NDUFAF6: variants seen among roughly 807,000 people sequenced by gnomAD.
The protein encoded by NDUFAF6 is NADH:ubiquinone oxidoreductase complex assembly factor 6, also known as NADH dehydrogenase (ubiquinone) complex I, assembly factor 6.
In NDUFAF6, 45 loss-of-function variants were observed where a neutral mutation model predicts 40.8. That is an observed-to-expected ratio of 1.10 (90% confidence interval 0.87 to 1.42). The LOEUF (loss-of-function observed/expected upper bound fraction) is 1.42, where lower values mean the gene tolerates loss of function less well. NDUFAF6 is among the 40% of genes most tolerant of loss of function. The pLI is 0.00. For missense variants in NDUFAF6, 435 were observed against 418.5 expected (o/e 1.04, Z -0.34); for synonymous variants, 185 against 155.9 (o/e 1.19, Z -1.39).
chr8:95,059,477 G>A (rs76993088), downstream of NDUFAF6, among the ~76,000 whole-genome samples: 2 of 152,142 alleles, frequency 1.3e-5, no homozygotes, highest in African/African-American at 4.8e-5. Flanking sequence ...CTCTTAGTTG[G>A]TACTGATGTT....
intron 2 of NDUFAF6, among the ~76,000 whole-genome samples, chr8:95,003,433 C>A (rs1207545542): frequency 1.3e-5 from 2 of 152,182 alleles, no homozygotes; most frequent in African/African-American, 2.4e-5. Context: ...GTGGTCCAAT[C>A]TGGCTCAGTA....
chr8:95,037,446 A>ACC (rs1253525165), intron 3 of NDUFAF6, among the ~76,000 whole-genome samples: 2 of 152,188 alleles, frequency 1.3e-5, no homozygotes, highest in African/African-American at 2.4e-5. Flanking sequence ...ACAAAATCAA[A>ACC]CATGCCCATC....
chr8:95,009,368 C>CT (rs1827137770), intron 2 of NDUFAF6, among the ~76,000 whole-genome samples: 2 of 1,836 alleles, frequency 1.1e-3, no homozygotes, highest in Non-Finnish European at 4.1e-3. Flanking sequence ...TTTGAAAATA[C>CT]CGTTTCAACT....
In NDUFAF6 at chr8:95,091,744, A is replaced by AT. The variant is rs1383401512; in HGVS notation, n.214-9387dup. Among the ~76,000 whole-genome samples, 3 of 149,908 alleles carry AT rather than the reference A, an allele frequency of 2.0e-5. No individual in the cohort carries two copies. The East Asian group carries it at 5.9e-4, about 29-fold the overall frequency. Reference sequence around the variant, plus strand: ...AGCCTTGACCTCTTGGGTTCAAGCGATCCCCCCCAGCTCAGCCTCCTGAGT... The same window carrying AT: ...AGCCTTGACCTCTTGGGTTCAAGCGATTCCCCCCCAGCTCAGCCTCCTGAGT... On this transcript the variant is annotated intron_variant and non_coding_transcript_variant, in intron 2 of 5. Coordinates refer to the NDUFAF6 transcript ENST00000523184.
intron 2 of NDUFAF6, among the ~76,000 whole-genome samples, chr8:95,089,453 A>C: frequency 1.1e-5 from 1 of 92,240 alleles, no homozygotes; most frequent in South Asian, 4.7e-4. Context: ...TACATAGTGT[A>C]AACTGTGTGT....
chr8:95,038,027 G>T (rs1344588927), intron 3 of NDUFAF6, among the ~76,000 whole-genome samples: 1 of 152,074 alleles, frequency 6.6e-6, no homozygotes, highest in East Asian at 1.9e-4. Flanking sequence ...GGGACCACAG[G>T]CATGCGCCAC....
chr8:95,034,180 G>A (rs932748877), intron 2 of NDUFAF6: 17 of 428,234 alleles, frequency 4.0e-5, no homozygotes, highest in South Asian at 1.3e-4. Context: ...TCCCATTTGC[G>A]TTATTCTGTC....
intron 1 of NDUFAF6, among the ~76,000 whole-genome samples, chr8:94,935,078 A>G (rs1297799777): frequency 1.3e-5 from 2 of 152,100 alleles, no homozygotes; most frequent in Non-Finnish European, 2.9e-5. Flanking sequence ...TTATATCTGG[A>G]AAACAGGAAA....
At chr8:95,045,750 T>G (rs1830672249) in intron 5 of NDUFAF6, 103 bp downstream of exon 5, 1 of 817,014 alleles carries the variant, frequency 1.2e-6, no homozygotes, top group Admixed American at 2.3e-5. Context: ...ACTAAAGCCT[T>G]CCTTTATACT....
At chr8:95,084,423 C>T (rs1175869836) in intron 2 of NDUFAF6, among the ~76,000 whole-genome samples, 1 of 152,138 alleles carries the variant, frequency 6.6e-6, no homozygotes, top group East Asian at 1.9e-4. Context: ...ATCTTCCCAA[C>T]TGCCTCATCA....
At chr8:94,904,928 G>A (rs1338779334) in intron 1 of NDUFAF6, among the ~76,000 whole-genome samples, 4 of 152,090 alleles carry the variant, frequency 2.6e-5, no homozygotes, top group South Asian at 2.1e-4. Context: ...GGCCAGGCGC[G>A]GTGGCTCATG....
At chr8:95,024,920 A>G (rs1373718662), upstream of NDUFAF6, 1 of 1,152,070 alleles carries the variant, frequency 8.7e-7, no homozygotes, top group Non-Finnish European at 1.1e-6. Context: ...CCCGCGACTC[A>G]AAGGAGCATA....
intron 1 of NDUFAF6, among the ~76,000 whole-genome samples, chr8:94,919,602 G>A (rs948750553): frequency 2.0e-5 from 3 of 152,128 alleles, no homozygotes; most frequent in Admixed American, 1.3e-4. Context: ...TTTGGCTACT[G>A]TTGTTCCATC....
chr8:94,965,827 A>T (rs1225615450), intron 1 of NDUFAF6, among the ~76,000 whole-genome samples: 8 of 152,190 alleles, frequency 5.3e-5, no homozygotes, highest in African/African-American at 1.9e-4. Context: ...GGTAGGAGAG[A>T]ACTCAATGTA....
At chr8:95,044,424 T>C (rs1039107989) in intron 4 of NDUFAF6, 5 of 151,326 alleles carry the variant, frequency 3.3e-5, no homozygotes, top group Non-Finnish European at 7.4e-5. Context: ...GCATTTTTTT[T>C]CCTGGAATCA....
chr8:95,052,745 G>A (rs1831589278), intron 8 of NDUFAF6, among the ~76,000 whole-genome samples: 2 of 152,142 alleles, frequency 1.3e-5, no homozygotes. Context: ...TAGATTCCTG[G>A]AGTCTTCTTT....
At chr8:94,896,837 TC>T (rs1309058023) in intron 1 of NDUFAF6, among the ~76,000 whole-genome samples, 1 of 152,186 alleles carries the variant, frequency 6.6e-6, no homozygotes, top group African/African-American at 2.4e-5. Context: ...TCACACTTTT[TC>T]GATTCTTCGT....
intron 1 of NDUFAF6, chr8:94,928,604 G>T (rs930930116): frequency 6.6e-6 from 1 of 152,460 alleles, no homozygotes. Flanking sequence ...AAAACGGAAG[G>T]GGCAATAAGG....
intron 8 of NDUFAF6, among the ~76,000 whole-genome samples, chr8:95,054,671 G>T (rs918522159): frequency 6.6e-6 from 1 of 151,998 alleles, no homozygotes; most frequent in Non-Finnish European, 1.5e-5. Flanking sequence ...CTGACTTCAG[G>T]TGATCCACCC....
Sources: allele counts gnomAD v4.1 joint callset (sites outside exome capture counted in the v4.1 genomes callset), GRCh38; gene constraint gnomAD v4.1.1; transcripts MANE v1.5; gene names NCBI Gene and HGNC (gene_info 2026-07-23, HGNC 2026-07-21).